DMD: variants seen among roughly 807,000 people sequenced by gnomAD.
The protein encoded by DMD is mutant dystrophin.
DMD carries 63 observed loss-of-function variants against 330.1 expected under a neutral mutation model. That is an observed-to-expected ratio of 0.19 (90% confidence interval 0.16 to 0.24). The LOEUF is 0.24. DMD is among the 10% of genes least tolerant of loss of function. The probability of loss-of-function intolerance (pLI) is 1.00; values close to 1 mark genes in which losing one functional copy is unlikely to be tolerated. For synonymous variants in DMD, 1,223 were observed against 959.8 expected, an observed-to-expected ratio of 1.27 and a Z score of -5.07; for missense variants, 3,344 against 2,684.1, an observed-to-expected ratio of 1.25 and a Z score of -5.43.
chrX:32,472,086 A>T, intron 22 of DMD, 78 bp downstream of exon 22: 1 of 1,115,209 alleles, frequency 9.0e-7, no homozygotes, highest in African/African-American at 1.8e-5. Flanking sequence ...CTTAAATTCT[A>T]ATATTATTTA....
intron 62 of DMD, among the ~76,000 whole-genome samples, chrX:31,314,325 T>C (rs150935229): frequency 6.2e-4 from 69 of 111,961 alleles, no homozygotes; most frequent in African/African-American, 2.1e-3. Context: ...GAACAAGAAA[T>C]AGTGACCAAA....
At chrX:32,371,764 A>T (rs1162223042) in intron 34 of DMD, among the ~76,000 whole-genome samples, 2 of 111,406 alleles carry the variant, frequency 1.8e-5, no homozygotes, top group African/African-American at 6.5e-5. Context: ...ACTTACACTC[A>T]ACTAATCAGA....
chrX:32,249,276 G>C (rs1335793727), intron 43 of DMD, among the ~76,000 whole-genome samples: 1 of 111,792 alleles, frequency 8.9e-6, no homozygotes, highest in Non-Finnish European at 1.9e-5. Flanking sequence ...ACTGAATAAA[G>C]TTTTGTAAAC....
intron 62 of DMD, among the ~76,000 whole-genome samples, chrX:31,267,713 G>T (rs1297235435): frequency 1.8e-5 from 2 of 112,344 alleles, no homozygotes; most frequent in Non-Finnish European, 3.8e-5. Flanking sequence ...TATTTTATTG[G>T]AAAAGTTACA....
intron 1 of DMD, among the ~76,000 whole-genome samples, chrX:33,124,304 C>T (rs191527458): frequency 0.018 from 1,917 of 108,565 alleles, 119 homozygotes; most frequent in Admixed American, 0.17. Flanking sequence ...GGTGAAACCT[C>T]GGCTCTACTA....
At chrX:31,479,752 A>G (rs2068099797) in intron 57 of DMD, among the ~76,000 whole-genome samples, 1 of 112,405 alleles carries the variant, frequency 8.9e-6, no homozygotes, top group Non-Finnish European at 1.9e-5. Flanking sequence ...ACAGATCTAG[A>G]ATTAATCTTT....
intron 55 of DMD, among the ~76,000 whole-genome samples, chrX:31,573,804 T>C (rs2075950066): frequency 9.0e-6 from 1 of 111,279 alleles, no homozygotes; most frequent in Admixed American, 9.6e-5. Flanking sequence ...ATTTTGACTA[T>C]GAGACAGGAG....
intron 2 of DMD, among the ~76,000 whole-genome samples, chrX:32,886,431 C>T (rs1471746894): frequency 9.0e-6 from 1 of 110,928 alleles, no homozygotes; most frequent in Non-Finnish European, 1.9e-5. Context: ...AGCCTGTAAT[C>T]CCAGCACTTT....
intron 44 of DMD, among the ~76,000 whole-genome samples, chrX:32,150,582 A>G (rs1465098842): frequency 9.0e-6 from 1 of 111,701 alleles, no homozygotes; most frequent in African/African-American, 3.3e-5. Flanking sequence ...TATTGCTACC[A>G]TGGTATTAGG....
At chrX:32,906,238 T>C (rs1461392882) in intron 2 of DMD, among the ~76,000 whole-genome samples, 1 of 110,850 alleles carries the variant, frequency 9.0e-6, no homozygotes, top group South Asian at 3.9e-4. Context: ...TCTGGTTGTT[T>C]AAAAGTGTGC....
chrX:32,387,898 T>C (rs2097970469), intron 32 of DMD, among the ~76,000 whole-genome samples: 2 of 111,259 alleles, frequency 1.8e-5, no homozygotes, highest in Admixed American at 9.7e-5. Context: ...GCCATTAACA[T>C]TGTTTCATTC....
chrX:32,681,232 TACTC>T (rs1174211264), intron 9 of DMD, among the ~76,000 whole-genome samples: 1 of 111,648 alleles, frequency 9.0e-6, no homozygotes, highest in East Asian at 2.8e-4. Context: ...AAGATGAACT[TACTC>T]TATGGAAATC....
intron 41 of DMD, among the ~76,000 whole-genome samples, chrX:32,331,946 T>C (rs143091919): frequency 0.039 from 4,374 of 111,622 alleles, 95 homozygotes; most frequent in Non-Finnish European, 0.063. Flanking sequence ...CCTATGTTCA[T>C]ATAGTTTCTT....
chrX:31,831,757 C>G (rs2093041841), intron 49 of DMD, among the ~76,000 whole-genome samples: 1 of 110,689 alleles, frequency 9.0e-6, no homozygotes, highest in East Asian at 2.8e-4. Flanking sequence ...TGCCACCAAG[C>G]CCGGCTAATT....
At chrX:32,063,127 CAT>C (rs1291438183) in intron 44 of DMD, among the ~76,000 whole-genome samples, 1 of 109,386 alleles carries the variant, frequency 9.1e-6, no homozygotes, top group Non-Finnish European at 1.9e-5. Flanking sequence ...GGATATAACA[CAT>C]GTTATACTTT....
rs138229242 is a variant in DMD, at chrX:32,046,086, C to A, written c.6439-77572G>T. Among the ~76,000 whole-genome samples, 5 of 112,697 alleles carry A rather than the reference C, an allele frequency of 4.4e-5. No individual in the cohort carries two copies. The East Asian group carries it at 1.1e-3, about 25-fold the overall frequency. On this transcript the variant is annotated intron_variant, in intron 44 of 78. Transcript: ENST00000357033. ...GGACATTAGAAAGTCTCTTGGTCTA[C>A]AGGTCGTTTTTAATCCTAAAGACAG...
Position 32,549,652 on chromosome X carries a change from G to A in DMD, c.1993-4318C>T, listed in dbSNP as rs188510618. Among the ~76,000 whole-genome samples, 673 of 111,753 alleles carry A rather than the reference G, an allele frequency of 6.0e-3. 8 individuals carry two copies. Among genetic ancestry groups the A allele is most frequent in the African/African-American group, 0.021 (640 of 30,826 alleles). On this transcript the variant is annotated intron_variant, in intron 16 of 78. Transcript: ENST00000357033. Reference sequence around the variant, plus strand: ...CTCATAAGATTACATATGTTAAAAAGATTTAAACTTTAAAATTTACATTTT... The same window carrying A: ...CTCATAAGATTACATATGTTAAAAAAATTTAAACTTTAAAATTTACATTTT...
Position 33,211,359 on chromosome X carries a change from G to T in DMD, c.-47C>A. 1 of 1,199,340 alleles carries T rather than the reference G, an allele frequency of 8.3e-7. No individual in the cohort carries two copies. Among genetic ancestry groups the T allele is most frequent in the Non-Finnish European group, 1.1e-6 (1 of 888,016 alleles). ...CAGCGATAAAAAAAACCTGGTAAAA[G>T]TTCTTCAAACTTTATTGCTCCAGTA... On this transcript the variant is annotated 5_prime_UTR_variant, in exon 1 of 79. Transcript: ENST00000357033.
At chrX:31,557,720 C>G (rs1344170803) in intron 55 of DMD, among the ~76,000 whole-genome samples, 1 of 111,576 alleles carries the variant, frequency 9.0e-6, no homozygotes, top group South Asian at 3.8e-4. Context: ...TCTTGGTTGC[C>G]AAAGGAGGGG....
Sources: allele counts gnomAD v4.1 joint callset (sites outside exome capture counted in the v4.1 genomes callset), GRCh38; gene constraint gnomAD v4.1.1; transcripts MANE v1.5; gene names NCBI Gene and HGNC (gene_info 2026-07-23, HGNC 2026-07-21).